CYP7B1: variants seen among roughly 807,000 people sequenced by gnomAD.
The protein encoded by CYP7B1 is cytochrome P450 7B1.
CYP7B1 carries 29 observed loss-of-function variants against 42.7 expected under a neutral mutation model. The ratio of observed to expected loss-of-function variants is 0.68; its 90% CI spans 0.51 to 0.93. CYP7B1 has a LOEUF of 0.93. Ranked by LOEUF, CYP7B1 falls within the 40% of genes least tolerant of loss-of-function variation. CYP7B1 has a pLI of 0.00. For synonymous variants in CYP7B1, 235 were observed against 218.2 expected, an observed-to-expected ratio of 1.08 and a Z score of -0.68; for missense variants, 655 against 600.5, an observed-to-expected ratio of 1.09 and a Z score of -0.95.
chr8:64,736,650 C>T (rs1807491983), intron 1 of CYP7B1, among the ~76,000 whole-genome samples: 1 of 151,972 alleles, frequency 6.6e-6, no homozygotes. Context: ...GGGGTTTCAC[C>T]ATGTTGGTCA....
Position 64,604,735 on chromosome 8 carries a change from C to T in CYP7B1, c.1180G>A (p.Ala394Thr), listed in dbSNP as rs752486045. 14 of 1,614,028 alleles carry T rather than the reference C, an allele frequency of 8.7e-6. No homozygotes were observed. Among genetic ancestry groups the T allele is most frequent in the Non-Finnish European group, 1.2e-5 (14 of 1,180,034 alleles). The change falls in exon 5 of 6, where the codon GCC (alanine) becomes ACC (threonine). Residue 394 changes from alanine (A) to threonine (T), a missense_variant. Ala to Thr is a moderately conservative substitution (Grantham distance 58). Coordinates refer to ENST00000310193, the MANE Select transcript of CYP7B1 (RefSeq NM_004820.5). Reference protein sequence around the residue: ...DYCVRKGDLVAIFPPVLHGDP... With the variant: ...DYCVRKGDLVTIFPPVLHGDP... ...CCATGTAGGACTGGAGGAAAGATGG[C>T]TACCAAGTCTCCCTTTCGCACACAG...
At chr8:64,771,047 CT>C (rs757503820) in intron 1 of CYP7B1, among the ~76,000 whole-genome samples, 655 of 42,222 alleles carry the variant, frequency 0.016, 1 homozygote, top group Middle Eastern at 0.05. Context: ...ATATCAGCAT[CT>C]TTTTTTTTTT....
At chr8:64,778,450 G>A (rs1804363522) in intron 1 of CYP7B1, among the ~76,000 whole-genome samples, 1 of 151,886 alleles carries the variant, frequency 6.6e-6, no homozygotes, top group South Asian at 2.1e-4. Context: ...GACATATCAG[G>A]AACCACTATG....
At chr8:64,599,648 T>TGTTC (rs1805172742) in intron 5 of CYP7B1, among the ~76,000 whole-genome samples, 1 of 152,212 alleles carries the variant, frequency 6.6e-6, no homozygotes, top group Non-Finnish European at 1.5e-5. Flanking sequence ...TCCCCAACAT[T>TGTTC]GTTCTTCTGA....
chr8:64,648,598 G>A (rs1805989268), intron 1 of CYP7B1, among the ~76,000 whole-genome samples: 1 of 152,166 alleles, frequency 6.6e-6, no homozygotes. Flanking sequence ...CTGTATCTCA[G>A]TAAAGTAGAA....
chr8:64,751,283 G>C (rs950370815), intron 1 of CYP7B1, among the ~76,000 whole-genome samples: 1 of 151,982 alleles, frequency 6.6e-6, no homozygotes, highest in South Asian at 2.1e-4. Context: ...CACACAATTC[G>C]CATACAGACA....
At chr8:64,686,188 A>G (rs1806638731) in intron 1 of CYP7B1, among the ~76,000 whole-genome samples, 1 of 56,306 alleles carries the variant, frequency 1.8e-5, no homozygotes, top group Non-Finnish European at 3.8e-5. Context: ...GGAAGTGAGG[A>G]GCCCCTCTGC....
At chr8:64,654,811 T>A (rs1460874423) in intron 1 of CYP7B1, among the ~76,000 whole-genome samples, 2 of 152,150 alleles carry the variant, frequency 1.3e-5, no homozygotes, top group African/African-American at 4.8e-5. Context: ...AAGGTACTGG[T>A]ACAAAAAGAG....
chr8:64,643,182 C>CAT (rs139294788), intron 1 of CYP7B1, among the ~76,000 whole-genome samples: 4 of 139,360 alleles, frequency 2.9e-5, no homozygotes, highest in South Asian at 2.3e-4. Flanking sequence ...CATATATATA[C>CAT]ATATATATAT....
intron 1 of CYP7B1, among the ~76,000 whole-genome samples, chr8:64,650,599 G>C (rs1806024057): frequency 6.6e-6 from 1 of 152,182 alleles, no homozygotes; most frequent in Non-Finnish European, 1.5e-5. Flanking sequence ...AGTGAGCCTA[G>C]ATCGTGCTGT....
chr8:64,702,797 C>T (rs1305979561), intron 1 of CYP7B1, among the ~76,000 whole-genome samples: 2 of 152,034 alleles, frequency 1.3e-5, no homozygotes, highest in African/African-American at 2.4e-5. Flanking sequence ...GCAATAATAT[C>T]GGGCATGCAG....
At chr8:64,587,959 A>G (rs1804990882), downstream of CYP7B1, among the ~76,000 whole-genome samples, 1 of 152,142 alleles carries the variant, frequency 6.6e-6, no homozygotes, top group Non-Finnish European at 1.5e-5. Flanking sequence ...AATTATGCAC[A>G]ATGTGTTATT....
intron 1 of CYP7B1, among the ~76,000 whole-genome samples, chr8:64,719,065 C>G (rs1193504944): frequency 1.3e-5 from 2 of 152,122 alleles, no homozygotes; most frequent in African/African-American, 2.4e-5. Flanking sequence ...ACAGTGGATA[C>G]ACAACTGACC....
At position 64,798,514 on chromosome 8, in the gene CYP7B1, G is replaced by T. The variant is rs1018159021; in HGVS notation, c.74C>A (p.Ala25Asp). 3 of 1,507,272 alleles carry T rather than the reference G, an allele frequency of 2.0e-6. No homozygotes were observed. The highest frequency in any genetic ancestry group is 1.4e-5 in the African/African-American group (1 of 69,136). The allele number at this position is 1,507,272 out of a possible 1,614,324, so 93.4% of individuals were successfully genotyped here. ...GAGGGCCAGGAGCAGCAGGGCCGCG[G>T]CGAGGGCCAGGCCCGGGAGGCCCAA... ...ERLGLPGLALAAALLLLALCL... is the reference protein window; with the variant it reads ...ERLGLPGLALDAALLLLALCL... Residue 25 changes from alanine (A) to aspartate (D), a missense_variant, in exon 1 of 6, where the codon GCC becomes GAC. Coordinates refer to ENST00000310193, the MANE Select transcript of CYP7B1 (RefSeq NM_004820.5).
intron 1 of CYP7B1, among the ~76,000 whole-genome samples, chr8:64,708,720 T>C (rs1807036276): frequency 6.6e-6 from 1 of 152,222 alleles, no homozygotes. Flanking sequence ...ATCTGCATTC[T>C]TGAGTGTATA....
chr8:64,624,745 G>C (rs1016110173), intron 1 of CYP7B1, among the ~76,000 whole-genome samples: 6 of 151,798 alleles, frequency 4.0e-5, no homozygotes, highest in Non-Finnish European at 8.8e-5. Flanking sequence ...CATAACTTCT[G>C]GTGAGCAACT....
intron 3 of CYP7B1, among the ~76,000 whole-genome samples, 188 bp from the exon 4 acceptor site, chr8:64,615,420 G>T (rs544476861): frequency 1.3e-5 from 2 of 149,564 alleles, no homozygotes; most frequent in African/African-American, 2.5e-5. Context: ...ATGTGTATGG[G>T]GGGGGCGGTG....
chr8:64,756,132 C>T (rs1039790272), intron 1 of CYP7B1, among the ~76,000 whole-genome samples: 39 of 152,236 alleles, frequency 2.6e-4, no homozygotes, highest in African/African-American at 8.9e-4. Flanking sequence ...GTCTGTAATT[C>T]GACTTCATGT....
At chr8:64,623,766 G>A (rs1357070856) in intron 2 of CYP7B1, among the ~76,000 whole-genome samples, 1 of 152,102 alleles carries the variant, frequency 6.6e-6, no homozygotes, top group Non-Finnish European at 1.5e-5. Context: ...TCAGAGGCAG[G>A]GGAAGAAGAA....
Sources: gnomAD v4.1 joint callset for allele counts (sites outside exome capture counted in the v4.1 genomes callset) on GRCh38, gnomAD v4.1.1 for gene constraint, MANE v1.5 for transcripts, NCBI Gene and HGNC (gene_info 2026-07-23, HGNC 2026-07-21) for gene names.